Variants in PWWP2A observed in about 807,000 individuals in gnomAD.
The protein encoded by PWWP2A is PWWP domain-containing protein 2A.
Under a neutral mutation model 48.5 loss-of-function variants are expected in PWWP2A, and 18 were observed. That is an observed-to-expected ratio of 0.37 (90% CI 0.26 to 0.55). The LOEUF is 0.55. Among genes scored for constraint, PWWP2A ranks in the 20% least tolerant of loss-of-function variants. The pLI is 0.81. For missense variants in PWWP2A, 867 were observed against 976.4 expected (o/e 0.89, Z 1.49); for synonymous variants, 396 against 387.7 (o/e 1.02, Z -0.25).
downstream of PWWP2A, among the ~76,000 whole-genome samples, chr5:160,073,431 G>T (rs1470972987): frequency 6.6e-6 from 1 of 151,844 alleles, no homozygotes; most frequent in Non-Finnish European, 1.5e-5. Context: ...GTTTCACCGT[G>T]TTAGCCAGGA....
chr5:160,088,290 T>G (rs1754799110), downstream of PWWP2A, among the ~76,000 whole-genome samples: 1 of 152,142 alleles, frequency 6.6e-6, no homozygotes, highest in South Asian at 2.1e-4. Flanking sequence ...AACCTCCGCC[T>G]CCCGGGTTCA....
intron 1 of PWWP2A, among the ~76,000 whole-genome samples, chr5:160,109,773 AAATATATATATATATATAT>A (rs1757294812): frequency 3.3e-5 from 1 of 30,124 alleles, no homozygotes; most frequent in African/African-American, 1.3e-4. Flanking sequence ...AAAAAAAAAA[AAATATATATATATATATAT>A]ATATATATAT....
Position 160,093,755 on chromosome 5 carries a change from G to A in PWWP2A, c.895C>T (p.Arg299Ter), listed in dbSNP as rs924264546. The A allele has an allele frequency of 2.5e-6, 4 of 1,613,810 alleles. No individual in the cohort carries two copies. Among genetic ancestry groups the A allele is most frequent in the East Asian group, 2.2e-5 (1 of 44,886 alleles). ...GTGGGTTCTTCCCTGTACATTTTTC[G>A]TTTGGGTCGCTTAATTTTCCGAGGA... ...PPPRKIKRPK[R>*]KMYREEPTSI... Residue 299 changes from arginine (R) to a stop codon, truncating the protein, a stop_gained, in exon 2 of 2, where the codon CGA (arginine) becomes TGA (stop). Transcript: ENST00000307063. LOFTEE classifies it high-confidence loss of function. This position sits in a 1 kb window ranked among gnomAD's most constrained non-coding sequence, Gnocchi z 5.8.
chr5:160,045,453 T>G, the PWWP2A span, among the ~76,000 whole-genome samples: 1 of 34,012 alleles, frequency 2.9e-5, no homozygotes, highest in African/African-American at 1.2e-4. Flanking sequence ...TCCCCCACCC[T>G]CCACACACAC....
rs1466076821 is a variant in PWWP2A, at chr5:160,092,385, C to T, written c.2265G>A (p.Thr755=). ...TTGCCTACCTTACTGCCCATGTTCACGTTTCAAACTGTGTCAACAAAGCCC... is the reference window on the plus strand; with the variant it reads ...TTGCCTACCTTACTGCCCATGTTCATGTTTCAAACTGTGTCAACAAAGCCC... ...EVRALLTQFE[T] is the part of the protein sequence containing the mutation. The change falls in exon 2 of 2, where the codon ACG becomes ACA. Residue 755 remains threonine, a synonymous_variant. Transcript: ENST00000307063. 7 of 1,539,626 alleles carry T rather than the reference C, an allele frequency of 4.5e-6. No individual in the cohort carries two copies. Among genetic ancestry groups the T allele is most frequent in the African/African-American group, 1.4e-5 (1 of 72,032 alleles).
At chr5:160,105,966 A>G (rs999457520) in intron 1 of PWWP2A, among the ~76,000 whole-genome samples, 2 of 152,144 alleles carry the variant, frequency 1.3e-5, no homozygotes, top group Non-Finnish European at 2.9e-5. Flanking sequence ...CAAGCCAATC[A>G]AGGCAAAACA....
the PWWP2A span, among the ~76,000 whole-genome samples, chr5:160,053,674 A>G: frequency 6.6e-6 from 1 of 152,140 alleles, no homozygotes; most frequent in African/African-American, 2.4e-5. Context: ...GTTCCATACA[A>G]ATTTTAGGAT....
intron 1 of PWWP2A, among the ~76,000 whole-genome samples, chr5:160,102,793 C>T (rs1470078097): frequency 1.3e-5 from 2 of 152,220 alleles, no homozygotes; most frequent in African/African-American, 4.8e-5. Context: ...GCCTGCATAA[C>T]CTAAATCTCT....
chr5:160,064,315 G>C (rs1349746896), intron 4 of PWWP2A, among the ~76,000 whole-genome samples: 1 of 152,214 alleles, frequency 6.6e-6, no homozygotes, highest in Non-Finnish European at 1.5e-5. Context: ...AACTTGGGAA[G>C]AGGAGGCTGG....
At position 160,078,460 on chromosome 5, in the gene PWWP2A, A is replaced by G. The variant is rs920523483; in HGVS notation, c.1670-292T>C. On this transcript the variant is annotated intron_variant, in intron 3 of 3. Transcript: ENST00000456329. This position sits in a 1 kb window ranked among gnomAD's most constrained non-coding sequence, Gnocchi z 4.2. The stretch of plus-strand genomic sequence containing the variant: ...GTGCACTTGAGTGTTTTTTTAAAAT[A>G]CTTGCTTATAAATGCCTAGTAACAG... 6.6e-6 allele frequency among the ~76,000 whole-genome samples: 1 copy of G among 152,152 alleles called. No individual in the cohort carries two copies. The highest frequency in any genetic ancestry group is 2.1e-4 in the South Asian group (1 of 4,830).
chr5:160,087,136 T>C (rs764710642), downstream of PWWP2A, among the ~76,000 whole-genome samples: 8 of 152,086 alleles, frequency 5.3e-5, no homozygotes, highest in Non-Finnish European at 1.0e-4. Context: ...TAGCACTTTG[T>C]TGGGGGCCAA....
intron 1 of PWWP2A, chr5:160,108,527 A>C (rs1474146292): frequency 1.6e-6 from 2 of 1,239,578 alleles, no homozygotes; most frequent in Non-Finnish European, 2.1e-6. Context: ...AGTATAAGCT[A>C]CTGATACCAC....
chr5:160,058,701 G>A (rs748609784), downstream of PWWP2A, among the ~76,000 whole-genome samples: 9 of 152,058 alleles, frequency 5.9e-5, no homozygotes, highest in South Asian at 2.1e-4. Flanking sequence ...GTGAGCCACC[G>A]CGCCTGGCCA....
Position 160,119,343 on chromosome 5 carries a change from C to G in PWWP2A, c.46G>C (p.Gly16Arg). ...AEAAATAASPGEGGAGEAEPE... is the reference protein window; with the variant it reads ...AEAAATAASPREGGAGEAEPE... ...TCGGCCTCGCCGGCGCCCCCCTCCC[C>G]GGGGGACGCTGCAGTCGCTGCCGCC... The change falls in exon 1 of 2, where the codon GGG becomes CGG. Residue 16 changes from glycine to arginine, a missense_variant. Around this residue, in one of 4 missense-constraint regions of PWWP2A, gnomAD observed 385 missense variants for 396.9 expected, o/e 0.97. Coordinates refer to ENST00000307063, the MANE Select transcript of PWWP2A (RefSeq NM_001130864.2). The G allele has an allele frequency of 2.2e-6, 3 of 1,390,082 alleles. No individual in the cohort carries two copies. Among genetic ancestry groups the G allele is most frequent in the Non-Finnish European group, 1.9e-6 (2 of 1,078,250 alleles). The allele number at this position is 1,390,082 out of a possible 1,614,324, so 86.1% of individuals were successfully genotyped here.
chr5:160,048,967 TCTCA>T, the PWWP2A span, among the ~76,000 whole-genome samples: 1 of 151,434 alleles, frequency 6.6e-6, no homozygotes, highest in African/African-American at 2.4e-5. Context: ...AAAAATTCTC[TCTCA>T]CTCTTTCACT....
At chr5:160,075,709 C>G (rs1166004469), downstream of PWWP2A, among the ~76,000 whole-genome samples, 1 of 148,794 alleles carries the variant, frequency 6.7e-6, no homozygotes, top group Admixed American at 6.8e-5. Flanking sequence ...CCCATAAAAT[C>G]TCCTAGTGAT....
chr5:160,086,211 T>C (rs1754624678), intron 2 of PWWP2A, among the ~76,000 whole-genome samples: 1 of 152,082 alleles, frequency 6.6e-6, no homozygotes, highest in South Asian at 2.1e-4. Context: ...TTACAAAATA[T>C]CAGAAATGTG....
At chr5:160,055,874 A>G in the PWWP2A span, among the ~76,000 whole-genome samples, 9 of 152,362 alleles carry the variant, frequency 5.9e-5, no homozygotes, top group South Asian at 1.9e-3. Flanking sequence ...TAGAAAGCAA[A>G]TATTTCAGAA....
the PWWP2A span, among the ~76,000 whole-genome samples, chr5:160,050,174 G>A: frequency 1.3e-5 from 2 of 152,154 alleles, no homozygotes; most frequent in Non-Finnish European, 2.9e-5. Flanking sequence ...CAGGCTGGGT[G>A]CAGTGGCTCA....
Sources: gnomAD v4.1 joint callset for allele counts (sites outside exome capture counted in the v4.1 genomes callset) on GRCh38, gnomAD v4.1.1 for gene constraint, gnomAD v4.1.1 regional missense constraint, Gnocchi (gnomAD v3.1) non-coding constraint, MANE v1.5 for transcripts, NCBI Gene and HGNC (gene_info 2026-07-23, HGNC 2026-07-21) for gene names.